FGF16: variants seen among roughly 807,000 people sequenced by gnomAD.
The protein encoded by FGF16 is fibroblast growth factor 16.
In FGF16, 2 loss-of-function variants were observed where a neutral mutation model predicts 8.5. That is an observed-to-expected ratio of 0.24 (90% CI 0.10 to 0.75). The LOEUF is 0.75. FGF16 is among the 30% of genes least tolerant of loss of function. The pLI is 0.74. For missense variants in FGF16, 79 were observed against 87.4 expected (o/e 0.90, Z 0.38); for synonymous variants, 33 against 34.6 (o/e 0.95, Z 0.16).
chrX:77,455,089 G>A (rs968687655), intron 2 of FGF16, among the ~76,000 whole-genome samples: 3 of 111,939 alleles, frequency 2.7e-5, no homozygotes, highest in Non-Finnish European at 5.6e-5. Flanking sequence ...ATGAGCCACT[G>A]CACCCGGCCC....
rs782705154 is a variant in FGF16 at position 77,456,821 on chromosome X, G to A, written c.*299G>A. ...AATGGGAGCCCCTGCTAAGGGCCAG[G>A]GGTGTCTTACCCCACAATTTACTCA... On this transcript the variant is annotated 3_prime_UTR_variant, in exon 3 of 3. Transcript: ENST00000439435. The A allele has an allele frequency of 2.0e-5, 4 of 198,282 alleles. No individual in the cohort carries two copies. The South Asian group carries it at 6.0e-4, about 30-fold the overall frequency. 16.3% of individuals were successfully genotyped at this position (198,282 alleles called of 1,213,427 possible). A position where few individuals can be genotyped will look rare whatever the true frequency, so the allele number is the denominator to read the frequency against.
At position 77,456,341 on chromosome X, in the gene FGF16, C is replaced by T. The variant is rs2062572022; in HGVS notation, c.443C>T (p.Ala148Val). The change falls in exon 3 of 3, where the codon GCC becomes GTC. Residue 148 changes from alanine to valine, a missense_variant. Coordinates refer to ENST00000439435, the MANE Select transcript of FGF16 (RefSeq NM_003868.3). ...QFEENWYNTY[A>V]STLYKHSDSE... The stretch of plus-strand genomic sequence containing the variant: ...GAAGAAAACTGGTACAACACCTATG[C>T]CTCAACCTTGTACAAACATTCGGAC... 1 of 1,206,325 alleles carries T rather than the reference C, an allele frequency of 8.3e-7. No individual in the cohort carries two copies.
chrX:77,453,365 C>T (rs1481439920), intron 1 of FGF16, among the ~76,000 whole-genome samples: 1 of 112,000 alleles, frequency 8.9e-6, no homozygotes, highest in Non-Finnish European at 1.9e-5. Context: ...AAAGCATTTT[C>T]AAATCTTCAC....
rs782034788 is a variant in FGF16, at chrX:77,454,272, GTTTTTTTTTTTTTTT to G, written c.378+28_378+42del. 4.0e-5 allele frequency: 6 copies of G among 151,458 alleles called. No individual in the cohort carries two copies. The highest frequency in any genetic ancestry group is 1.7e-4 in the African/African-American group (2 of 11,478). 12.5% of individuals were successfully genotyped at this position (151,458 alleles called of 1,213,427 possible). Reference sequence around the variant, plus strand: ...AACTCTATGGGTCGGTAAGTTTAAGGTTTTTTTTTTTTTTTTTTTTTTTTTTTTTTGGTCAGAGGT... The same window carrying G: ...AACTCTATGGGTCGGTAAGTTTAAGGTTTTTTTTTTTTTTTGGTCAGAGGT... On this transcript the variant is annotated intron_variant, in intron 2 of 2. Transcript: ENST00000439435.
chrX:77,448,999 A>G (rs1557026464), intron 1 of FGF16, among the ~76,000 whole-genome samples: 1 of 111,045 alleles, frequency 9.0e-6, no homozygotes. Context: ...TGTTCTGCCT[A>G]CACTCAGACA....
chrX:77,452,536 G>C (rs782239939), intron 1 of FGF16, among the ~76,000 whole-genome samples: 1 of 112,666 alleles, frequency 8.9e-6, no homozygotes, highest in Non-Finnish European at 1.9e-5. Flanking sequence ...CAAACCCTGA[G>C]TGTTCTATAG....
chrX:77,455,930 G>A (rs1210954257), intron 2 of FGF16, among the ~76,000 whole-genome samples: 5 of 112,061 alleles, frequency 4.5e-5, no homozygotes, highest in Non-Finnish European at 1.9e-5. Flanking sequence ...AACATCATTA[G>A]CTCTAAGTAG....
intron 2 of FGF16, among the ~76,000 whole-genome samples, chrX:77,455,645 G>T (rs782542566): frequency 9.0e-6 from 1 of 111,437 alleles, no homozygotes; most frequent in East Asian, 2.8e-4. Flanking sequence ...CTAAGAGATA[G>T]GCCTGTCCCC....
rs2062560094 is a variant in FGF16 at position 77,452,508 on chromosome X, G to A, written c.275-1649G>A. 3.6e-5 allele frequency among the ~76,000 whole-genome samples: 4 copies of A among 112,651 alleles called. No individual in the cohort carries two copies. The Admixed American group carries it at 3.8e-4, about 11-fold the overall frequency. ...TGAGAATAAAACTTGGAGGATTTCA[G>A]TGTGAGAGGCCAAAGGCCAAACCCT... On this transcript the variant is annotated intron_variant, in intron 1 of 2. Transcript: ENST00000439435.
intron 1 of FGF16, among the ~76,000 whole-genome samples, chrX:77,450,621 A>T (rs1411775309): frequency 8.9e-6 from 1 of 112,441 alleles, no homozygotes; most frequent in African/African-American, 3.2e-5. Context: ...CCAAAGCAGC[A>T]CTGTCTCGGC....
At chrX:77,450,110 T>C (rs2062552548) in intron 1 of FGF16, among the ~76,000 whole-genome samples, 1 of 112,530 alleles carries the variant, frequency 8.9e-6, no homozygotes, top group Admixed American at 9.4e-5. Context: ...GCCAGGGTAT[T>C]CAATAAATTG....
At chrX:77,456,087 G>A (rs2062570879) in intron 2 of FGF16, among the ~76,000 whole-genome samples, 190 bp from the exon 3 acceptor site, 1 of 112,339 alleles carries the variant, frequency 8.9e-6, no homozygotes, top group Non-Finnish European at 1.9e-5. Context: ...TCATGAAAGA[G>A]AATGAAGGAG....
At chrX:77,454,085 G>A in intron 1 of FGF16, 72 bp from the exon 2 acceptor site, 2 of 686,550 alleles carry the variant, frequency 2.9e-6, no homozygotes, top group Non-Finnish European at 4.6e-6. Context: ...ATGACTGGTA[G>A]CTCATGTCAC....
At chrX:77,450,366 G>A (rs1385108403) in intron 1 of FGF16, among the ~76,000 whole-genome samples, 1 of 112,558 alleles carries the variant, frequency 8.9e-6, no homozygotes, top group African/African-American at 3.2e-5. Flanking sequence ...ATAATAACCT[G>A]TTGGCACAGC....
rs2062575198 is a variant in FGF16, at chrX:77,457,231, A to AGTT, written c.*710_*712dup. On this transcript the variant is annotated 3_prime_UTR_variant, in exon 3 of 3. Transcript: ENST00000439435. Reference sequence around the variant, plus strand: ...GGTCCTACTGAAACAGGATAAAATGAGTTATTAAAGGCTTTTACTGACAAT... The same window carrying AGTT: ...GGTCCTACTGAAACAGGATAAAATGAGTTGTTATTAAAGGCTTTTACTGACAAT... 8.9e-6 allele frequency: 1 copy of AGTT among 112,075 alleles called. No homozygotes were observed. Among genetic ancestry groups the AGTT allele is most frequent in the Admixed American group, 9.5e-5 (1 of 10,545 alleles). 9.2% of individuals were successfully genotyped at this position (112,075 alleles called of 1,213,427 possible). A position where few individuals can be genotyped will look rare whatever the true frequency, so the allele number is the denominator to read the frequency against.
intron 1 of FGF16, among the ~76,000 whole-genome samples, chrX:77,448,698 G>A (rs1229643502): frequency 8.9e-6 from 1 of 111,873 alleles, no homozygotes; most frequent in Non-Finnish European, 1.9e-5. Flanking sequence ...AGGATTGTCT[G>A]TTTGCCTGCC....
In FGF16 at chrX:77,447,692, C is replaced by A. The variant is rs2062545406; in HGVS notation, c.18C>A (p.Gly6=). MAEVG[G]VFASLDWDLH... is the part of the protein sequence containing the mutation. ...GCCCAGCCATGGCAGAGGTGGGGGG[C>A]GTCTTCGCCTCCTTGGACTGGGATC... Residue 6 remains glycine (G), a synonymous_variant, in exon 1 of 3, where the codon GGC becomes GGA. Transcript: ENST00000439435. 3 of 278,925 alleles carry A rather than the reference C, an allele frequency of 1.1e-5. No individual in the cohort carries two copies. Among genetic ancestry groups the A allele is most frequent in the Non-Finnish European group, 1.9e-5 (3 of 162,104 alleles). 23.0% of individuals were successfully genotyped at this position (278,925 alleles called of 1,213,427 possible). A position where few individuals can be genotyped will look rare whatever the true frequency, so the allele number is the denominator to read the frequency against.
rs1481501204 is a variant in FGF16, at chrX:77,451,737, T to G, written c.275-2420T>G. 2.7e-5 allele frequency among the ~76,000 whole-genome samples: 3 copies of G among 111,944 alleles called. No homozygotes were observed. In the Admixed American group the frequency reaches 2.9e-4, roughly 11 times the overall value. ...TTACATGACCAATTGTACATTAGCT[T>G]TTTAATAATCCTGCTAATCACCCAT... On this transcript the variant is annotated intron_variant, in intron 1 of 2. Transcript: ENST00000439435.
At chrX:77,454,339 A>T in intron 2 of FGF16, 79 bp downstream of exon 2, 1 of 529,472 alleles carries the variant, frequency 1.9e-6, no homozygotes. Context: ...TGGACAATGT[A>T]AAGCAAAAGT....
Sources: allele counts gnomAD v4.1 joint callset (sites outside exome capture counted in the v4.1 genomes callset), GRCh38; gene constraint gnomAD v4.1.1; transcripts MANE v1.5; gene names NCBI Gene and HGNC (gene_info 2026-07-23, HGNC 2026-07-21).